Variants in ANKFN1 observed in about 807,000 individuals in gnomAD.
ANKFN1 encodes the protein ankyrin repeat and fibronectin type III domain containing 1, also known as ankyrin repeat and fibronectin type-III domain-containing protein 1.
In ANKFN1, 74 loss-of-function variants were observed where a neutral mutation model predicts 108.7. The ratio of observed to expected loss-of-function variants is 0.68; its 90% CI spans 0.56 to 0.83. ANKFN1 has a LOEUF of 0.83. Ranked by LOEUF, ANKFN1 falls within the 40% of genes least tolerant of loss-of-function variation. The probability of loss-of-function intolerance (pLI) is 0.00; values close to 1 mark genes in which losing one functional copy is unlikely to be tolerated. For synonymous variants in ANKFN1, 547 were observed against 516.2 expected (o/e 1.06, Z -0.81); for missense variants, 1,505 against 1,382.3 (o/e 1.09, Z -1.41).
chr17:56,425,410 T>G (rs1009640567), intron 8 of ANKFN1, among the ~76,000 whole-genome samples: 1 of 152,206 alleles, frequency 6.6e-6, no homozygotes, highest in Non-Finnish European at 1.5e-5. Context: ...TCTCCAATTT[T>G]CCTCCTACAA....
chr17:56,395,733 C>T (rs2047562885), intron 8 of ANKFN1, among the ~76,000 whole-genome samples: 1 of 152,100 alleles, frequency 6.6e-6, no homozygotes, highest in South Asian at 2.1e-4. Flanking sequence ...CCTGTAATCC[C>T]AGCTACTCGG....
intron 1 of ANKFN1, among the ~76,000 whole-genome samples, chr17:56,188,908 A>T (rs1216450774): frequency 6.6e-6 from 1 of 152,014 alleles, no homozygotes; most frequent in South Asian, 2.1e-4. Flanking sequence ...CCATTTCCCC[A>T]TCCTCTAAGG....
At chr17:56,202,746 G>A (rs1198005859) in intron 1 of ANKFN1, among the ~76,000 whole-genome samples, 1 of 152,058 alleles carries the variant, frequency 6.6e-6, no homozygotes, top group African/African-American at 2.4e-5. Context: ...TTTATAATAG[G>A]GGGTAGATAC....
intron 8 of ANKFN1, among the ~76,000 whole-genome samples, chr17:56,417,946 A>C (rs2048289312): frequency 6.6e-6 from 1 of 152,170 alleles, no homozygotes; most frequent in South Asian, 2.1e-4. Context: ...TCTTTTCTAC[A>C]TGAGTGTTTT....
At chr17:56,054,535 A>G (rs1320878661) in intron 4 of ANKFN1, among the ~76,000 whole-genome samples, 1 of 152,212 alleles carries the variant, frequency 6.6e-6, no homozygotes, top group Non-Finnish European at 1.5e-5. Flanking sequence ...TATAAAAGTT[A>G]TATTTAAACT....
At chr17:56,359,082 T>C (rs2046447231) in intron 6 of ANKFN1, among the ~76,000 whole-genome samples, 1 of 152,218 alleles carries the variant, frequency 6.6e-6, no homozygotes, top group South Asian at 2.1e-4. Flanking sequence ...TTTTATTTCA[T>C]TCTTTGACTC....
intron 3 of ANKFN1, 31 bp from the exon 4 acceptor site, chr17:56,326,190 T>C: frequency 6.3e-7 from 1 of 1,596,264 alleles, no homozygotes; most frequent in South Asian, 1.1e-5. Flanking sequence ...TTGCCTGTAG[T>C]GATCCTGTTC....
intron 3 of ANKFN1, among the ~76,000 whole-genome samples, chr17:56,261,508 AG>A (rs1050055748): frequency 4.6e-5 from 7 of 152,172 alleles, no homozygotes; most frequent in African/African-American, 1.7e-4. Flanking sequence ...GTCCCACAAT[AG>A]GCCATCTGCA....
intron 4 of ANKFN1, among the ~76,000 whole-genome samples, chr17:56,047,324 A>G (rs2143061352): frequency 6.6e-6 from 1 of 152,126 alleles, no homozygotes; most frequent in Middle Eastern, 3.4e-3. Context: ...AATCTGCAGT[A>G]AATGCATACT....
intron 11 of ANKFN1, among the ~76,000 whole-genome samples, chr17:56,452,229 A>C (rs2049511821): frequency 6.6e-6 from 1 of 152,210 alleles, no homozygotes; most frequent in Admixed American, 6.5e-5. Context: ...GGGGCTAGAC[A>C]TGCCAACATG....
rs1213456893 is a variant in ANKFN1, at chr17:56,510,673, C to T, written c.2845C>T (p.Leu949=). ...VLQVHDVKTP[L]GPGQDPQGEG... is the part of the protein sequence containing the mutation. ...GCAAGTGCACGACGTGAAAACCCCT[C>T]TGGGGCCGGGCCAGGATCCCCAGGG... Residue 949 remains leucine, a synonymous_variant, in exon 21 of 21, where the codon CTG becomes TTG. Transcript: ENST00000682825. 1 of 1,536,062 alleles carries T rather than the reference C, an allele frequency of 6.5e-7. No homozygotes were observed. The highest frequency in any genetic ancestry group is 1.4e-5 in the African/African-American group (1 of 73,062).
chr17:56,300,037 T>G (rs556742407), intron 3 of ANKFN1, among the ~76,000 whole-genome samples: 45 of 152,278 alleles, frequency 3.0e-4, no homozygotes, highest in South Asian at 2.7e-3. Context: ...ATGGTAAATT[T>G]TCTGTCTTGA....
intron 8 of ANKFN1, among the ~76,000 whole-genome samples, chr17:56,401,368 ATTGTGTTGTGTTGTGTTGTGTTGTG>A (rs71139906): frequency 0.011 from 1,476 of 135,600 alleles, 12 homozygotes; most frequent in Non-Finnish European, 0.014. Context: ...ATTGTATTGT[ATTGTGTTGTGTTGTGTTGTGTTGTG>A]TTGTGTTGTG....
intron 4 of ANKFN1, among the ~76,000 whole-genome samples, chr17:56,331,339 T>C (rs551231480): frequency 2.4e-4 from 36 of 152,298 alleles, no homozygotes; most frequent in African/African-American, 7.7e-4. Flanking sequence ...TCTCACTGAC[T>C]ATATCTGTCT....
intron 3 of ANKFN1, among the ~76,000 whole-genome samples, chr17:56,297,338 G>A (rs924845291): frequency 5.3e-5 from 8 of 152,178 alleles, no homozygotes; most frequent in African/African-American, 1.4e-4. Flanking sequence ...AGCTGCTGGC[G>A]GTTTAACTGT....
chr17:56,237,131 G>T (rs1275304802), intron 3 of ANKFN1, among the ~76,000 whole-genome samples: 2 of 152,146 alleles, frequency 1.3e-5, no homozygotes, highest in East Asian at 3.9e-4. Flanking sequence ...TTGTGGGTTA[G>T]CTTTTTAATA....
At chr17:56,254,780 C>T (rs1371662779) in intron 3 of ANKFN1, among the ~76,000 whole-genome samples, 1 of 152,082 alleles carries the variant, frequency 6.6e-6, no homozygotes, top group Non-Finnish European at 1.5e-5. Flanking sequence ...TGAACATGGG[C>T]CCCAGATCCC....
At chr17:56,220,622 T>C (rs150075305) in intron 2 of ANKFN1, among the ~76,000 whole-genome samples, 7 of 150,102 alleles carry the variant, frequency 4.7e-5, no homozygotes, top group African/African-American at 1.7e-4. Context: ...ATTTCACCAC[T>C]GCAATACAGC....
intron 4 of ANKFN1, among the ~76,000 whole-genome samples, chr17:56,139,738 A>G (rs1189674156): frequency 2.0e-5 from 3 of 152,188 alleles, no homozygotes; most frequent in South Asian, 2.1e-4. Context: ...TAAATGCTGT[A>G]TAGGACATTT....
Sources: gnomAD v4.1 joint callset for allele counts (sites outside exome capture counted in the v4.1 genomes callset) on GRCh38, gnomAD v4.1.1 for gene constraint, MANE v1.5 for transcripts, NCBI Gene and HGNC (gene_info 2026-07-23, HGNC 2026-07-21) for gene names.